The following KDM4C variants were observed in gnomAD, a reference collection of about 807,000 sequenced individuals.
KDM4C encodes lysine-specific demethylase 4C.
A neutral mutation model predicts 129.3 loss-of-function variants in KDM4C; 81 were observed. The observed-to-expected ratio is 0.63, with a 90% CI of 0.52 to 0.75. KDM4C has a LOEUF of 0.75. KDM4C is among the 30% of genes least tolerant of loss of function. KDM4C has a pLI of 0.00. For synonymous variants in KDM4C, 573 were observed against 456.1 expected, an observed-to-expected ratio of 1.26 and a Z score of -3.26; for missense variants, 1,457 against 1,304.0, an observed-to-expected ratio of 1.12 and a Z score of -1.81.
chr9:7,160,166 G>C (rs1843630904), intron 19 of KDM4C, among the ~76,000 whole-genome samples: 2 of 152,158 alleles, frequency 1.3e-5, no homozygotes, highest in Admixed American at 6.5e-5. Flanking sequence ...CTCGTGCCAT[G>C]GTTTTCAGCT....
intron 19 of KDM4C, among the ~76,000 whole-genome samples, chr9:7,149,474 C>T (rs1842531859): frequency 1.3e-5 from 2 of 152,258 alleles, no homozygotes; most frequent in Non-Finnish European, 2.9e-5. Context: ...GGCTCCCGCC[C>T]TGCCAGCTCA....
chr9:6,757,902 T>G, upstream of KDM4C: 1 of 985,380 alleles, frequency 1.0e-6, no homozygotes. Context: ...TTAAGCTGTT[T>G]GTAAGCCCAC....
intron 8 of KDM4C, among the ~76,000 whole-genome samples, chr9:6,974,446 G>A (rs1028507135): frequency 1.3e-4 from 20 of 152,274 alleles, no homozygotes; most frequent in Middle Eastern, 3.4e-3. Context: ...TGCAACCTAC[G>A]CCTCTTGGGT....
chr9:6,845,411 C>A (rs1837679536), intron 4 of KDM4C, among the ~76,000 whole-genome samples: 1 of 152,120 alleles, frequency 6.6e-6, no homozygotes, highest in Admixed American at 6.5e-5. Flanking sequence ...GACGGGGTCT[C>A]ACTGTGTTGC....
At chr9:7,155,041 A>G (rs1843025976) in intron 19 of KDM4C, among the ~76,000 whole-genome samples, 2 of 152,242 alleles carry the variant, frequency 1.3e-5, no homozygotes, top group Admixed American at 6.5e-5. Flanking sequence ...GCATTAGGAA[A>G]AGCCTCTTTA....
At position 6,887,974 on chromosome 9, in the gene KDM4C, A is replaced by G; in HGVS notation, c.694A>G (p.Ser232Gly). The G allele has an allele frequency of 1.9e-6, 3 of 1,609,492 alleles. No homozygotes were observed. The highest frequency in any genetic ancestry group is 2.6e-6 in the Non-Finnish European group (3 of 1,175,940). ...ERLAQGFFPS[S>G]SQGCDAFLRH... ...TTTCTTTTTAGGTTTTTTCCCAAGC[A>G]GCTCCCAAGGGTGTGATGCATTTCT... The change falls in exon 7 of 22, where the codon AGC (serine) becomes GGC (glycine). Residue 232 changes from serine (S) to glycine (G), a missense_variant. Transcript: ENST00000381309.
At chr9:6,881,443 A>C (rs183857868) in intron 6 of KDM4C, among the ~76,000 whole-genome samples, 68 of 152,334 alleles carry the variant, frequency 4.5e-4, no homozygotes, top group Non-Finnish European at 8.7e-4. Context: ...TTACTGTAAC[A>C]CTTAACTACG....
chr9:6,812,036 A>C (rs1380243277), intron 3 of KDM4C, among the ~76,000 whole-genome samples: 1 of 152,198 alleles, frequency 6.6e-6, no homozygotes, highest in Non-Finnish European at 1.5e-5. Flanking sequence ...TTTAGAATTT[A>C]ACTTCAATGG....
At chr9:6,749,008 G>T in intron 1 of KDM4C, 1 of 736,774 alleles carries the variant, frequency 1.4e-6, no homozygotes, top group Non-Finnish European at 2.5e-6. Context: ...GAGCACACTT[G>T]CAAGCTTATT....
At chr9:7,021,183 G>A (rs1586968847) in intron 15 of KDM4C, among the ~76,000 whole-genome samples, 1 of 146,634 alleles carries the variant, frequency 6.8e-6, no homozygotes, top group Non-Finnish European at 1.5e-5. Context: ...ATGGGGTCTT[G>A]CTCTGTGGCC....
intron 1 of KDM4C, among the ~76,000 whole-genome samples, chr9:6,746,262 GTTT>G (rs778939269): frequency 0.016 from 1,001 of 61,188 alleles, 18 homozygotes; most frequent in African/African-American, 0.069. Flanking sequence ...ATATATATAT[GTTT>G]TTTTTTTTTT....
At chr9:6,915,596 A>T (rs1053274872) in intron 8 of KDM4C, among the ~76,000 whole-genome samples, 3 of 152,212 alleles carry the variant, frequency 2.0e-5, no homozygotes. Context: ...CTTAAGAGAG[A>T]TAACAAAAAT....
upstream of KDM4C, among the ~76,000 whole-genome samples, chr9:6,754,817 T>C (rs1365452571): frequency 1.3e-5 from 2 of 149,438 alleles, no homozygotes; most frequent in Non-Finnish European, 1.5e-5. Context: ...GGAGGCTGTA[T>C]TGAGCCGTGA....
At chr9:6,988,966 T>G (rs893773759) in intron 11 of KDM4C, among the ~76,000 whole-genome samples, 3 of 152,222 alleles carry the variant, frequency 2.0e-5, no homozygotes, top group African/African-American at 7.2e-5. Context: ...ATACGACTTA[T>G]TCATTTATTA....
chr9:6,781,860 C>T (rs1824414500), intron 1 of KDM4C, among the ~76,000 whole-genome samples: 1 of 150,448 alleles, frequency 6.6e-6, no homozygotes, highest in Admixed American at 6.6e-5. Flanking sequence ...CACTCTTGTG[C>T]CCAGGCTGGC....
chr9:6,965,601 T>A (rs1256151673), intron 8 of KDM4C, among the ~76,000 whole-genome samples: 1 of 152,238 alleles, frequency 6.6e-6, no homozygotes, highest in Non-Finnish European at 1.5e-5. Context: ...TACTTTTCTG[T>A]CTGAGAGCTG....
intron 12 of KDM4C, among the ~76,000 whole-genome samples, chr9:7,002,574 G>A (rs1352807847): frequency 6.6e-6 from 1 of 151,984 alleles, no homozygotes; most frequent in Admixed American, 6.6e-5. Flanking sequence ...GTTCCTTCTG[G>A]TGCCATGTTG....
chr9:7,145,955 T>C (rs1842178645), intron 19 of KDM4C, among the ~76,000 whole-genome samples: 2 of 152,234 alleles, frequency 1.3e-5, no homozygotes, highest in African/African-American at 4.8e-5. Flanking sequence ...TGCTCTCAGG[T>C]GTGGAAACAC....
intron 4 of KDM4C, among the ~76,000 whole-genome samples, chr9:6,845,120 G>A (rs575512913): frequency 2.5e-4 from 38 of 152,350 alleles, no homozygotes; most frequent in African/African-American, 8.9e-4. Context: ...GCATGTTGCT[G>A]TGTTGTTCCC....
Sources: gnomAD v4.1 joint callset for allele counts (sites outside exome capture counted in the v4.1 genomes callset) on GRCh38, gnomAD v4.1.1 for gene constraint, MANE v1.5 for transcripts, NCBI Gene and HGNC (gene_info 2026-07-23, HGNC 2026-07-21) for gene names.